The following TCF12 variants were observed in gnomAD, a reference collection of about 807,000 sequenced individuals.
TCF12 encodes DNA-binding protein HTF4.
In TCF12, 45 loss-of-function variants were observed where a neutral mutation model predicts 86.0. That is an observed-to-expected ratio of 0.52 (90% CI 0.41 to 0.67). The LOEUF (loss-of-function observed/expected upper bound fraction) is 0.67. Among genes scored for constraint, TCF12 ranks in the 30% least tolerant of loss-of-function variants. TCF12 has a pLI of 0.00. For missense variants in TCF12, 881 were observed against 859.9 expected, an observed-to-expected ratio of 1.02 and a Z score of -0.31; for synonymous variants, 330 against 299.6, an observed-to-expected ratio of 1.10 and a Z score of -1.05.
intron 5 of TCF12, among the ~76,000 whole-genome samples, chr15:57,093,903 T>C (rs1733952942): frequency 6.6e-6 from 1 of 152,196 alleles, no homozygotes; most frequent in Admixed American, 6.5e-5. Flanking sequence ...GATGCAGATA[T>C]ACAAACCATA....
chr15:57,232,849 C>A lies in TCF12; in HGVS notation c.963C>A (p.Ser321Arg), dbSNP rs1222904887. 6.3e-7 allele frequency: 1 copy of A among 1,580,326 alleles called. No homozygotes were observed. Residue 321 changes from serine (S) to arginine (R), a missense_variant, in exon 11 of 21, where the codon AGC becomes AGA. Ser to Arg is a moderately radical substitution (Grantham distance 110, BLOSUM62 -1). Coordinates refer to ENST00000333725, the MANE Select transcript of TCF12 (RefSeq NM_207037.2). ...SHTPPINGSD[S>R]ILGTRGNAAG... ...CTCCTCCCATCAATGGATCAGACAG[C>A]ATTCTAGGTGAGCTTTTTGAGTTGG...
intron 5 of TCF12, among the ~76,000 whole-genome samples, chr15:57,095,222 A>G (rs2049244600): frequency 6.6e-6 from 1 of 152,152 alleles, no homozygotes; most frequent in Admixed American, 6.6e-5. Context: ...AAAAGCTTTG[A>G]CCGTAGCAGT....
At chr15:56,961,415 T>TA (rs2061747719) in intron 3 of TCF12, among the ~76,000 whole-genome samples, 1 of 152,202 alleles carries the variant, frequency 6.6e-6, no homozygotes, top group Admixed American at 6.5e-5. Context: ...TATCCAACCA[T>TA]ATTATTAAAA....
rs780664533 is a variant in TCF12, at chr15:57,141,352, TTTGA to T, written c.326-25037_326-25034del. Among the ~76,000 whole-genome samples the T allele has an allele frequency of 4.6e-5, 7 of 152,224 alleles. 1 individual carries two copies. In the Middle Eastern group the frequency reaches 0.017, roughly 370 times the overall value. On this transcript the variant is annotated intron_variant, in intron 5 of 20. Coordinates refer to ENST00000333725, the MANE Select transcript of TCF12 (RefSeq NM_207037.2). ...TTAACTAACCATTCCCCACTCGCTGTTTGATTGATTGATTGAGATGGGGTTTAGC... is the reference window on the plus strand; with the variant it reads ...TTAACTAACCATTCCCCACTCGCTGTTTGATTGATTGAGATGGGGTTTAGC...
chr15:56,942,526 G>A (rs1211668443), intron 3 of TCF12, among the ~76,000 whole-genome samples: 2 of 152,070 alleles, frequency 1.3e-5, no homozygotes, highest in African/African-American at 4.8e-5. Flanking sequence ...CTATTGTCTT[G>A]GTTTAGAAGA....
At chr15:56,962,994 T>C (rs1465435803) in intron 3 of TCF12, among the ~76,000 whole-genome samples, 1 of 151,634 alleles carries the variant, frequency 6.6e-6, no homozygotes, top group African/African-American at 2.4e-5. Context: ...TGGAAGTGAG[T>C]GTTTCTTTGA....
intron 3 of TCF12, among the ~76,000 whole-genome samples, chr15:56,985,067 C>G (rs1167550423): frequency 6.6e-6 from 1 of 152,166 alleles, no homozygotes; most frequent in Non-Finnish European, 1.5e-5. Flanking sequence ...CACATAATTT[C>G]TTTTTATATA....
rs370752895 is a variant in TCF12, at chr15:57,123,476, A to G, written c.325+31585A>G. ...TTCATTTCTTCTAATTAGGTAGACAATCTCCATTTGCTGCTAAGGCAACTC... is the reference window on the plus strand; with the variant it reads ...TTCATTTCTTCTAATTAGGTAGACAGTCTCCATTTGCTGCTAAGGCAACTC... On this transcript the variant is annotated intron_variant, in intron 5 of 20. Coordinates refer to ENST00000333725, the MANE Select transcript of TCF12 (RefSeq NM_207037.2). Among the ~76,000 whole-genome samples the G allele has an allele frequency of 3.3e-3, 503 of 151,172 alleles. 5 individuals carry two copies. Among genetic ancestry groups the G allele is most frequent in the South Asian group, 0.031 (148 of 4,784 alleles).
chr15:56,962,157 A>G (rs2061791841), intron 3 of TCF12, among the ~76,000 whole-genome samples: 2 of 99,200 alleles, frequency 2.0e-5, no homozygotes, highest in Admixed American at 2.3e-4. Context: ...AAAAAAAAAT[A>G]TGTTTAATGG....
At chr15:57,162,148 A>G (rs752864648) in intron 5 of TCF12, among the ~76,000 whole-genome samples, 1 of 152,100 alleles carries the variant, frequency 6.6e-6, no homozygotes. Context: ...AAAATTAGAT[A>G]TATGTTACAT....
intron 3 of TCF12, among the ~76,000 whole-genome samples, chr15:56,922,519 C>A (rs1190894541): frequency 1.3e-5 from 2 of 151,956 alleles, no homozygotes; most frequent in Non-Finnish European, 2.9e-5. Context: ...AGATTATAAG[C>A]ATGGCATTGG....
rs1567559372 is a variant in TCF12 at position 57,170,737 on chromosome 15, A to ATATATTATATATAAT, written c.390+4271_390+4272insTATATTATATATAAT. Among the ~76,000 whole-genome samples the ATATATTATATATAAT allele has an allele frequency of 6.0e-3, 148 of 24,802 alleles. 5 individuals carry two copies. Among genetic ancestry groups the ATATATTATATATAAT allele is most frequent in the African/African-American group, 0.012 (107 of 9,290 alleles). 16.3% of individuals were successfully genotyped at this position (24,802 alleles called of 152,430 possible). On this transcript the variant is annotated intron_variant, in intron 6 of 20. Coordinates refer to ENST00000333725, the MANE Select transcript of TCF12 (RefSeq NM_207037.2). ...AATATATATATTATATATTATATAT[A>ATATATTATATATAAT]ATATATATTATATATTATATATTAT...
chr15:56,995,681 AG>A (rs2063679019), intron 3 of TCF12, among the ~76,000 whole-genome samples: 1 of 152,126 alleles, frequency 6.6e-6, no homozygotes, highest in African/African-American at 2.4e-5. Context: ...TATCAGCTCT[AG>A]GAGCCTTATG....
At chr15:56,925,240 G>GCTCCCCCCCCCCCCCC (rs2059953108) in intron 3 of TCF12, among the ~76,000 whole-genome samples, 2 of 136,260 alleles carry the variant, frequency 1.5e-5, no homozygotes, top group African/African-American at 5.4e-5. Flanking sequence ...GGTGTCCACC[G>GCTCCCCCCCCCCCCCC]CCCCCCCACC....
chr15:57,023,774 T>A (rs1434401345), intron 3 of TCF12, among the ~76,000 whole-genome samples: 1 of 152,208 alleles, frequency 6.6e-6, no homozygotes, highest in African/African-American at 2.4e-5. Flanking sequence ...TGTTATAGTT[T>A]AAAGGTGCCA....
chr15:56,974,597 CT>C (rs2062508650), intron 3 of TCF12, among the ~76,000 whole-genome samples: 1 of 152,078 alleles, frequency 6.6e-6, no homozygotes. Flanking sequence ...CAAAGTACTT[CT>C]GTGTACTTTA....
chr15:56,999,689 T>C (rs1362213621), intron 3 of TCF12, among the ~76,000 whole-genome samples: 1 of 151,872 alleles, frequency 6.6e-6, no homozygotes, highest in South Asian at 2.1e-4. Flanking sequence ...GCCTGGCCAA[T>C]GTGGTGAGAC....
At chr15:57,248,324 C>A (rs1237442876) in intron 13 of TCF12, among the ~76,000 whole-genome samples, 2 of 152,140 alleles carry the variant, frequency 1.3e-5, no homozygotes, top group Non-Finnish European at 2.9e-5. Flanking sequence ...ACCTCCCACA[C>A]CCCTTGTGAA....
chr15:57,263,033 G>C, intron 17 of TCF12, 79 bp from the exon 18 acceptor site: 2 of 1,455,428 alleles, frequency 1.4e-6, no homozygotes, highest in Admixed American at 2.5e-5. Flanking sequence ...TCACCAGCTA[G>C]AAAGCTTTTT....
Sources: allele counts gnomAD v4.1 joint callset (sites outside exome capture counted in the v4.1 genomes callset), GRCh38; gene constraint gnomAD v4.1.1; transcripts MANE v1.5; gene names NCBI Gene and HGNC (gene_info 2026-07-23, HGNC 2026-07-21).